PCTP: variants seen among roughly 807,000 people sequenced by gnomAD.
The protein encoded by PCTP is START domain-containing protein 2.
Under a neutral mutation model 31.0 loss-of-function variants are expected in PCTP, and 27 were observed. The ratio of observed to expected loss-of-function variants is 0.87; its 90% confidence interval spans 0.64 to 1.20. The LOEUF (loss-of-function observed/expected upper bound fraction) is 1.20. PCTP is among the 50% of genes most tolerant of loss of function. The pLI is 0.00. For synonymous variants in PCTP, 108 were observed against 101.2 expected (o/e 1.07, Z -0.40); for missense variants, 287 against 268.2 (o/e 1.07, Z -0.49).
chr17:55,752,189 T>G (rs1909749565), intron 1 of PCTP, among the ~76,000 whole-genome samples: 1 of 152,224 alleles, frequency 6.6e-6, no homozygotes, highest in South Asian at 2.1e-4. Flanking sequence ...TGTGGTTGCC[T>G]TTTTAGGCAC....
At chr17:55,760,010 G>A (rs1036103028) in intron 1 of PCTP, among the ~76,000 whole-genome samples, 3 of 151,816 alleles carry the variant, frequency 2.0e-5, no homozygotes, top group Admixed American at 6.6e-5. Context: ...TTTTTTTCAC[G>A]CATTTGAATC....
At chr17:55,846,141 T>G (rs1210206310), downstream of PCTP, among the ~76,000 whole-genome samples, 1 of 152,018 alleles carries the variant, frequency 6.6e-6, no homozygotes, top group South Asian at 2.1e-4. Context: ...TGTGAAAAAG[T>G]CCAACCCTGG....
chr17:55,827,765 T>C (rs1306595653), downstream of PCTP, among the ~76,000 whole-genome samples: 2 of 152,206 alleles, frequency 1.3e-5, no homozygotes, highest in African/African-American at 4.8e-5. Context: ...TACAGGTGTT[T>C]TCTTTTTTCA....
At chr17:55,783,858 G>T (rs80334779) in intron 2 of PCTP, among the ~76,000 whole-genome samples, 14 of 152,124 alleles carry the variant, frequency 9.2e-5, no homozygotes, top group South Asian at 2.1e-4. Context: ...TTCAGCGACG[G>T]TGCCGAGTCC....
chr17:55,773,540 T>G, intron 3 of PCTP, 184 bp from the exon 4 acceptor site: 1 of 561,074 alleles, frequency 1.8e-6, no homozygotes, highest in South Asian at 2.4e-5. Context: ...GAATACTAGG[T>G]GGTGTGAGGC....
At chr17:55,754,694 CA>C (rs1909906912) in intron 1 of PCTP, among the ~76,000 whole-genome samples, 1 of 152,162 alleles carries the variant, frequency 6.6e-6, no homozygotes, top group South Asian at 2.1e-4. Flanking sequence ...TTCCTTCTTC[CA>C]GGGTATGAGG....
intron 3 of PCTP, among the ~76,000 whole-genome samples, chr17:55,790,715 A>C (rs1162955144): frequency 1.3e-5 from 2 of 151,140 alleles, no homozygotes; most frequent in Non-Finnish European, 2.9e-5. Context: ...ATATCGTGAA[A>C]ATGGCCATAC....
intron 3 of PCTP, among the ~76,000 whole-genome samples, chr17:55,807,562 TGA>T (rs1161608420): frequency 6.6e-6 from 1 of 152,206 alleles, no homozygotes; most frequent in Non-Finnish European, 1.5e-5. Flanking sequence ...AATCTCTGAC[TGA>T]TACCCCACTC....
chr17:55,844,215 A>G (rs1174382182), downstream of PCTP, among the ~76,000 whole-genome samples: 1 of 152,236 alleles, frequency 6.6e-6, no homozygotes, highest in Non-Finnish European at 1.5e-5. Flanking sequence ...TGGACCAGCT[A>G]ACAACTCTAT....
At chr17:55,788,154 G>C (rs1327287373) in intron 3 of PCTP, among the ~76,000 whole-genome samples, 5 of 152,132 alleles carry the variant, frequency 3.3e-5, no homozygotes, top group Admixed American at 2.6e-4. Context: ...TTCTGTACTT[G>C]TGTAATTGAT....
chr17:55,775,988 G>A lies in PCTP; in HGVS notation c.580-47G>A, dbSNP rs760347892. On this transcript the variant is annotated intron_variant, in intron 5 of 5. Coordinates refer to ENST00000268896, the MANE Select transcript of PCTP (RefSeq NM_021213.4). ...TCTGCCACATCCCAAAGAATCAAGA[G>A]TGACCACTGTGAAGACATAGAAATG... The A allele has an allele frequency of 4.4e-5, 70 of 1,608,988 alleles. No homozygotes were observed. In the East Asian group the frequency reaches 7.8e-4, roughly 18 times the overall value.
At chr17:55,767,972 A>C (rs146229580) in intron 2 of PCTP, among the ~76,000 whole-genome samples, 54 of 151,862 alleles carry the variant, frequency 3.6e-4, no homozygotes, top group African/African-American at 1.2e-3. Context: ...GCATGCCTAT[A>C]GTCCCAACTA....
At chr17:55,811,439 A>C (rs1268729717) in intron 3 of PCTP, among the ~76,000 whole-genome samples, 1 of 152,178 alleles carries the variant, frequency 6.6e-6, no homozygotes, top group Non-Finnish European at 1.5e-5. Context: ...ACTGAGTCCT[A>C]GGCAGTGTAA....
chr17:55,755,755 G>A (rs1043766563), intron 1 of PCTP, among the ~76,000 whole-genome samples: 2 of 151,952 alleles, frequency 1.3e-5, no homozygotes, highest in Non-Finnish European at 2.9e-5. Flanking sequence ...ATGTTGTAAT[G>A]ATAATAACTT....
Position 55,771,176 on chromosome 17 carries a change from C to T in PCTP, c.330C>T (p.Ser110=). Residue 110 remains serine, a synonymous_variant, in exon 3 of 6, where the codon TCC becomes TCT. Coordinates refer to ENST00000268896, the MANE Select transcript of PCTP (RefSeq NM_021213.4). ...YWEVKYPFPM[S]NRDYVYLRQR... ...AAGTGAAGTACCCTTTTCCCATGTCCAACAGAGACGTATCCTTTCCACAAG... is the reference window on the plus strand; with the variant it reads ...AAGTGAAGTACCCTTTTCCCATGTCTAACAGAGACGTATCCTTTCCACAAG... 6.2e-7 allele frequency: 1 copy of T among 1,607,490 alleles called. No individual in the cohort carries two copies. Among genetic ancestry groups the T allele is most frequent in the Admixed American group, 1.7e-5 (1 of 60,014 alleles).
chr17:55,785,044 G>C (rs769123176), intron 2 of PCTP, among the ~76,000 whole-genome samples: 4 of 152,202 alleles, frequency 2.6e-5, no homozygotes, highest in Non-Finnish European at 5.9e-5. Context: ...TCACTTCTTT[G>C]TGTAATGCCC....
chr17:55,752,896 A>G (rs1168061927), intron 1 of PCTP, among the ~76,000 whole-genome samples: 4 of 152,222 alleles, frequency 2.6e-5, no homozygotes, highest in Non-Finnish European at 5.9e-5. Flanking sequence ...ACATTTTCAG[A>G]AAAAGTCTTT....
chr17:55,831,024 C>T (rs780732076), intron 5 of PCTP, among the ~76,000 whole-genome samples: 5 of 152,214 alleles, frequency 3.3e-5, no homozygotes, highest in Non-Finnish European at 7.3e-5. Flanking sequence ...GCCAGGTTTG[C>T]AGGGCAGGGG....
intron 5 of PCTP, among the ~76,000 whole-genome samples, chr17:55,840,878 G>C (rs1905958250): frequency 6.6e-6 from 1 of 152,158 alleles, no homozygotes; most frequent in Non-Finnish European, 1.5e-5. Flanking sequence ...TTTTGGATTT[G>C]GGATGCTCAA....
Sources: allele counts gnomAD v4.1 joint callset (sites outside exome capture counted in the v4.1 genomes callset), GRCh38; gene constraint gnomAD v4.1.1; transcripts MANE v1.5; gene names NCBI Gene and HGNC (gene_info 2026-07-23, HGNC 2026-07-21).